Variants in RABGAP1L observed in about 807,000 individuals in gnomAD.
RABGAP1L encodes the protein rab GTPase-activating protein 1-like.
In RABGAP1L, 63 loss-of-function variants were observed where a neutral mutation model predicts 137.7. The observed-to-expected ratio is 0.46, with a 90% CI of 0.37 to 0.56. RABGAP1L has a LOEUF of 0.56. RABGAP1L is among the 20% of genes least tolerant of loss of function. RABGAP1L has a pLI of 0.00. For synonymous variants in RABGAP1L, 431 were observed against 433.7 expected (o/e 0.99, Z 0.08); for missense variants, 1,095 against 1,244.0 (o/e 0.88, Z 1.80).
At chr1:174,921,619 A>G (rs1475381171) in intron 19 of RABGAP1L, among the ~76,000 whole-genome samples, 3 of 152,254 alleles carry the variant, frequency 2.0e-5, no homozygotes, top group African/African-American at 7.2e-5. Flanking sequence ...ATTGTTTCAA[A>G]GTAATCCGGA....
intron 4 of RABGAP1L, among the ~76,000 whole-genome samples, chr1:174,234,668 A>T (rs1287011675): frequency 1.3e-5 from 2 of 151,328 alleles, no homozygotes; most frequent in Non-Finnish European, 2.9e-5. Flanking sequence ...TGGTTACTGT[A>T]GCCTTGTAGT....
At chr1:174,604,721 G>A (rs1670651597) in intron 13 of RABGAP1L, among the ~76,000 whole-genome samples, 1 of 152,158 alleles carries the variant, frequency 6.6e-6, no homozygotes, top group Admixed American at 6.5e-5. Context: ...CCATGTCAAT[G>A]CCATCTTTGT....
At chr1:174,572,546 C>A (rs955203596) in intron 13 of RABGAP1L, among the ~76,000 whole-genome samples, 2 of 152,022 alleles carry the variant, frequency 1.3e-5, no homozygotes, top group African/African-American at 4.8e-5. Flanking sequence ...CCACGCCCAG[C>A]TAATTTTTGT....
chr1:174,826,538 C>T (rs764533655), intron 19 of RABGAP1L, among the ~76,000 whole-genome samples: 7 of 152,104 alleles, frequency 4.6e-5, no homozygotes, highest in Non-Finnish European at 1.0e-4. Context: ...TTTTCTTTAT[C>T]CAGTCCACCG....
At chr1:174,726,215 T>C (rs975207907) in intron 17 of RABGAP1L, among the ~76,000 whole-genome samples, 1 of 152,158 alleles carries the variant, frequency 6.6e-6, no homozygotes, top group Non-Finnish European at 1.5e-5. Context: ...TCCAGAAATC[T>C]TTGCGGGGTT....
intron 17 of RABGAP1L, among the ~76,000 whole-genome samples, chr1:174,741,052 T>G (rs939136487): frequency 1.1e-4 from 15 of 141,182 alleles, no homozygotes; most frequent in African/African-American, 3.5e-4. Context: ...TTTGTTTTTT[T>G]TTTTTTGTGT....
At chr1:174,422,141 G>A (rs1390839900) in intron 13 of RABGAP1L, among the ~76,000 whole-genome samples, 3 of 152,148 alleles carry the variant, frequency 2.0e-5, no homozygotes, top group Non-Finnish European at 4.4e-5. Context: ...ATAGGTACCC[G>A]TACTTAGAAA....
chr1:174,965,033 C>T (rs1247330509), intron 20 of RABGAP1L: 3 of 1,329,264 alleles, frequency 2.3e-6, no homozygotes, highest in Non-Finnish European at 3.1e-6. Context: ...CAGTGTCTGT[C>T]TCTTTGAAAA....
chr1:174,262,041 G>A (rs1673619667), intron 7 of RABGAP1L, among the ~76,000 whole-genome samples: 1 of 152,100 alleles, frequency 6.6e-6, no homozygotes, highest in Non-Finnish European at 1.5e-5. Flanking sequence ...GGCAGTAGAA[G>A]GATAACTCTC....
At chr1:174,178,708 C>T (rs934653564) in intron 1 of RABGAP1L, among the ~76,000 whole-genome samples, 1 of 152,166 alleles carries the variant, frequency 6.6e-6, no homozygotes, top group Non-Finnish European at 1.5e-5. Flanking sequence ...TGGAAGCCAT[C>T]ATTCTCAACA....
intron 19 of RABGAP1L, among the ~76,000 whole-genome samples, chr1:174,937,902 G>A (rs1665172594): frequency 6.7e-6 from 1 of 149,682 alleles, no homozygotes. Context: ...TAGTAGAGAT[G>A]GGGTTTCATC....
chr1:174,638,487 A>G (rs1400173070), intron 14 of RABGAP1L, among the ~76,000 whole-genome samples: 1 of 151,868 alleles, frequency 6.6e-6, no homozygotes, highest in Admixed American at 6.6e-5. Context: ...GCGATTCCTC[A>G]GGGATCTAGA....
Position 174,651,928 on chromosome 1 carries a change from A to C in RABGAP1L, c.1824+14440A>C, listed in dbSNP as rs139447293. On this transcript the variant is annotated intron_variant, in intron 14 of 25. Transcript: ENST00000681986. ...GTTAGTTGATGCAGTTTTTTCCTAGACTCGATGGTCTTTACAATTTGGCAT... is the reference window on the plus strand; with the variant it reads ...GTTAGTTGATGCAGTTTTTTCCTAGCCTCGATGGTCTTTACAATTTGGCAT... 1.5e-3 allele frequency among the ~76,000 whole-genome samples: 222 copies of C among 151,720 alleles called. 4 individuals carry two copies. The highest frequency in any genetic ancestry group is 3.4e-3 in the Middle Eastern group (1 of 294).
intron 18 of RABGAP1L, among the ~76,000 whole-genome samples, chr1:174,780,816 C>T (rs549265767): frequency 2.2e-4 from 32 of 144,876 alleles, no homozygotes; most frequent in African/African-American, 7.4e-4. Context: ...TGAGAACATG[C>T]GGTGTTTGGT....
At chr1:174,908,870 G>A (rs901102801) in intron 19 of RABGAP1L, among the ~76,000 whole-genome samples, 2 of 149,696 alleles carry the variant, frequency 1.3e-5, no homozygotes, top group African/African-American at 4.9e-5. Flanking sequence ...CAACCAATGG[G>A]TCAATGAAAG....
At chr1:174,521,946 G>T (rs568111724) in intron 13 of RABGAP1L, among the ~76,000 whole-genome samples, 2 of 152,104 alleles carry the variant, frequency 1.3e-5, no homozygotes, top group Non-Finnish European at 2.9e-5. Context: ...AGATGTGGTG[G>T]TGCGCACCTG....
chr1:174,351,617 T>C (rs1321904862), intron 11 of RABGAP1L, among the ~76,000 whole-genome samples: 1 of 152,190 alleles, frequency 6.6e-6, no homozygotes, highest in African/African-American at 2.4e-5. Context: ...GACCTTTGGG[T>C]GTTAGATTGA....
chr1:174,798,484 G>A (rs974477426), intron 18 of RABGAP1L, among the ~76,000 whole-genome samples: 2 of 151,652 alleles, frequency 1.3e-5, no homozygotes, highest in Admixed American at 1.3e-4. Flanking sequence ...AAAATAACTT[G>A]TTAAATAATA....
At position 174,779,529 on chromosome 1, in the gene RABGAP1L, G is replaced by C. The variant is rs147487278; in HGVS notation, c.2211+27175G>C. Reference sequence around the variant, plus strand: ...CCTAATCCCAGAATTGATGCATAAAGTAGCAAAAGGCCAAAGGATTATTAA... The same window carrying C: ...CCTAATCCCAGAATTGATGCATAAACTAGCAAAAGGCCAAAGGATTATTAA... On this transcript the variant is annotated intron_variant, in intron 18 of 25. Coordinates refer to ENST00000681986, the MANE Select transcript of RABGAP1L (RefSeq NM_001366446.1). Among the ~76,000 whole-genome samples the C allele has an allele frequency of 2.0e-5, 3 of 152,290 alleles. No homozygotes were observed. In the East Asian group the frequency reaches 5.8e-4, roughly 29 times the overall value.
Sources: gnomAD v4.1 joint callset for allele counts (sites outside exome capture counted in the v4.1 genomes callset) on GRCh38, gnomAD v4.1.1 for gene constraint, MANE v1.5 for transcripts, NCBI Gene and HGNC (gene_info 2026-07-23, HGNC 2026-07-21) for gene names.